The following USP4 variants were observed in gnomAD, a reference collection of about 807,000 sequenced individuals.
USP4 encodes ubiquitin carboxyl-terminal hydrolase 4.
In USP4, 72 loss-of-function variants were observed where a neutral mutation model predicts 118.2. That is an observed-to-expected ratio of 0.61 (90% CI 0.50 to 0.74). The LOEUF is 0.74. Among genes scored for constraint, USP4 ranks in the 30% least tolerant of loss-of-function variants. The pLI is 0.00. For missense variants in USP4, 1,037 were observed against 1,185.7 expected, an observed-to-expected ratio of 0.87 and a Z score of 1.84; for synonymous variants, 415 against 440.4, an observed-to-expected ratio of 0.94 and a Z score of 0.72.
intron 13 of USP4, among the ~76,000 whole-genome samples, chr3:49,295,736 C>A (rs2334957): frequency 0.88 from 125,958 of 142,672 alleles, 55,809 homozygotes; most frequent in East Asian, 0.95. Flanking sequence ...ACACACACAC[C>A]CCCCCCTCCC....
chr3:49,283,956 T>C lies in USP4; in HGVS notation c.2540+31A>G, dbSNP rs1300038671. On this transcript the variant is annotated intron_variant, in intron 19 of 21. Coordinates refer to ENST00000265560, the MANE Select transcript of USP4 (RefSeq NM_003363.4). Reference sequence around the variant, plus strand: ...CCAAGATTTTCTGCCTGTTTTTAAATGTTCCTAACACTGTAGTCACCATGA... The same window carrying C: ...CCAAGATTTTCTGCCTGTTTTTAAACGTTCCTAACACTGTAGTCACCATGA... 3.1e-6 allele frequency: 5 copies of C among 1,605,216 alleles called. No individual in the cohort carries two copies. In the African/African-American group the frequency reaches 5.4e-5, roughly 17 times the overall value.
intron 10 of USP4, among the ~76,000 whole-genome samples, chr3:49,301,476 T>C (rs975698980): frequency 1.3e-5 from 2 of 151,926 alleles, no homozygotes; most frequent in Non-Finnish European, 2.9e-5. Flanking sequence ...TCACCAGAGG[T>C]CAGGAGTTCA....
At chr3:49,339,020 G>A (rs2047703612) in intron 1 of USP4, among the ~76,000 whole-genome samples, 1 of 152,064 alleles carries the variant, frequency 6.6e-6, no homozygotes. Flanking sequence ...GGTGGCGTGA[G>A]CCTGTAATCC....
chr3:49,282,747 G>GT, intron 19 of USP4, among the ~76,000 whole-genome samples: 2 of 150,990 alleles, frequency 1.3e-5, no homozygotes. Context: ...TTGCTCTGTT[G>GT]CTGAGGCTGG....
chr3:49,285,990 A>G, intron 16 of USP4, 108 bp downstream of exon 16: 1 of 1,015,508 alleles, frequency 9.8e-7, no homozygotes, highest in South Asian at 1.5e-5. Context: ...CTGCTCCTGG[A>G]GGCACAGAGA....
chr3:49,334,003 G>A (rs2047645145), intron 2 of USP4, among the ~76,000 whole-genome samples: 1 of 151,546 alleles, frequency 6.6e-6, no homozygotes, highest in African/African-American at 2.4e-5. Context: ...TGGGCAACAA[G>A]AGCAAAACTC....
chr3:49,325,103 C>T, intron 4 of USP4, 64 bp from the exon 5 acceptor site: 1 of 1,566,520 alleles, frequency 6.4e-7, no homozygotes, highest in Non-Finnish European at 8.6e-7. Flanking sequence ...ACAGCCATGG[C>T]AAACTAATGC....
intron 6 of USP4, among the ~76,000 whole-genome samples, chr3:49,314,528 C>T (rs968440324): frequency 4.6e-5 from 7 of 152,170 alleles, no homozygotes; most frequent in African/African-American, 1.7e-4. Context: ...AATGTGATTT[C>T]CTAGCCTCTT....
intron 4 of USP4, 119 bp downstream of exon 4, chr3:49,325,600 A>G: frequency 6.9e-7 from 1 of 1,450,186 alleles, no homozygotes; most frequent in South Asian, 1.3e-5. Flanking sequence ...CTACAGCTCG[A>G]GATGATTTGG....
intron 19 of USP4, among the ~76,000 whole-genome samples, chr3:49,283,526 T>C (rs1046373993): frequency 6.6e-6 from 1 of 152,090 alleles, no homozygotes; most frequent in East Asian, 1.9e-4. Context: ...TGAGAGGATA[T>C]GAGTAGACAG....
At chr3:49,281,750 T>C (rs1336593765) in intron 19 of USP4, among the ~76,000 whole-genome samples, 3 of 147,220 alleles carry the variant, frequency 2.0e-5, no homozygotes, top group Admixed American at 6.8e-5. Context: ...CAGTGGCTCA[T>C]GCCTGTAATC....
At chr3:49,321,988 C>T (rs968736674) in intron 6 of USP4, among the ~76,000 whole-genome samples, 1 of 151,778 alleles carries the variant, frequency 6.6e-6, no homozygotes, top group Non-Finnish European at 1.5e-5. Flanking sequence ...ATCAAGACTC[C>T]GTCTATTAAA....
rs780049328 is a variant in USP4, at chr3:49,294,519, G to A, written c.1771C>T (p.Pro591Ser). 7.4e-6 allele frequency: 12 copies of A among 1,614,030 alleles called. No homozygotes were observed. The highest frequency in any genetic ancestry group is 1.3e-5 in the African/African-American group (1 of 74,916). ...PVYFRERKSR[P>S]SSTSSASALY... The stretch of plus-strand genomic sequence containing the variant: ...GCTGATGCGGAGGAAGTGCTTGATG[G>A]CCTGGACTTCCTCTCCCTGAAGTAG... The change falls in exon 14 of 22, where the codon CCA (proline) becomes TCA (serine). Residue 591 changes from proline (P) to serine (S), a missense_variant. Transcript: ENST00000265560.
chr3:49,282,212 G>A (rs763546112), intron 19 of USP4, among the ~76,000 whole-genome samples: 4 of 151,946 alleles, frequency 2.6e-5, no homozygotes, highest in Non-Finnish European at 5.9e-5. Flanking sequence ...ACCAAAACAG[G>A]CCCCAGAAAG....
chr3:49,335,106 C>T (rs554350623), intron 2 of USP4, among the ~76,000 whole-genome samples: 1 of 152,258 alleles, frequency 6.6e-6, no homozygotes, highest in East Asian at 1.9e-4. Flanking sequence ...CAATTTGTTC[C>T]ACTGCAAAGG....
At chr3:49,337,634 G>T (rs967519364) in intron 1 of USP4, among the ~76,000 whole-genome samples, 2 of 151,736 alleles carry the variant, frequency 1.3e-5, no homozygotes, top group Non-Finnish European at 2.9e-5. Context: ...GCTAGCTCTT[G>T]CTATGTTGCC....
intron 18 of USP4, 132 bp downstream of exon 18, chr3:49,284,334 T>G: frequency 9.6e-7 from 1 of 1,037,696 alleles, no homozygotes; most frequent in Non-Finnish European, 1.4e-6. Context: ...CACAGAGGAT[T>G]ATGTTGTAGG....
chr3:49,277,192 C>A lies in USP4; in HGVS notation c.*1101G>T. 7.4e-7 allele frequency: 1 copy of A among 1,359,204 alleles called. No homozygotes were observed. The highest frequency in any genetic ancestry group is 9.7e-7 in the Non-Finnish European group (1 of 1,034,026). 84.2% of individuals were successfully genotyped at this position (1,359,204 alleles called of 1,614,324 possible). On this transcript the variant is annotated 3_prime_UTR_variant, in exon 22 of 22. Coordinates refer to ENST00000265560, the MANE Select transcript of USP4 (RefSeq NM_003363.4). ...GCCACGTCCTTGTCCTCACCCGCAG[C>A]GCAGTGACGCCGACCCATCCAACGG...
chr3:49,331,473 T>C (rs114504505), intron 2 of USP4, among the ~76,000 whole-genome samples: 2,148 of 151,672 alleles, frequency 0.014, 52 homozygotes, highest in African/African-American at 0.048. Flanking sequence ...GTACAAAAAT[T>C]AGCCAGAACT....
Sources: allele counts gnomAD v4.1 joint callset (sites outside exome capture counted in the v4.1 genomes callset), GRCh38; gene constraint gnomAD v4.1.1; transcripts MANE v1.5; gene names NCBI Gene and HGNC (gene_info 2026-07-23, HGNC 2026-07-21).